Variants in SNCB observed in about 807,000 individuals in gnomAD.
The protein encoded by SNCB is beta-synuclein.
Under a neutral mutation model 20.0 loss-of-function variants are expected in SNCB, and 8 were observed. That is an observed-to-expected ratio of 0.40 (90% CI 0.24 to 0.72). The LOEUF (loss-of-function observed/expected upper bound fraction) is 0.72. Among genes scored for constraint, SNCB ranks in the 30% least tolerant of loss-of-function variants. SNCB has a pLI of 0.37. For missense variants in SNCB, 125 were observed against 168.0 expected, an observed-to-expected ratio of 0.74 and a Z score of 1.41; for synonymous variants, 56 against 65.4, an observed-to-expected ratio of 0.86 and a Z score of 0.69.
intron 2 of SNCB, among the ~76,000 whole-genome samples, chr5:176,628,453 TCTAAA>T (rs1186809283): frequency 6.6e-6 from 1 of 152,114 alleles, no homozygotes; most frequent in Non-Finnish European, 1.5e-5. Flanking sequence ...AAGTGACCGT[TCTAAA>T]CTAATCACAT....
In SNCB at chr5:176,626,814, A is replaced by G. The variant is rs114510312; in HGVS notation, c.122-53T>C. ...AGGACTCTGCGCTGAGGGAACAGAAACTCCAGCACAGCATGGTGATTACAG... is the reference window on the plus strand; with the variant it reads ...AGGACTCTGCGCTGAGGGAACAGAAGCTCCAGCACAGCATGGTGATTACAG... On this transcript the variant is annotated intron_variant, in intron 2 of 5. Transcript: ENST00000393693. The surrounding 1 kb of genome is among the most constrained non-coding windows in gnomAD (Gnocchi z 4.2). 12,989 of 1,588,960 alleles carry G rather than the reference A, an allele frequency of 8.2e-3. 58 individuals are homozygous for G. Among genetic ancestry groups the G allele is most frequent in the Non-Finnish European group, 1.0e-2 (11,547 of 1,157,398 alleles).
In SNCB at chr5:176,626,725, G is replaced by GCCACACCTTGTA; in HGVS notation, c.146_157dup (p.Val49_Val52dup). On this transcript the variant is annotated inframe_insertion, in exon 3 of 6. Transcript: ENST00000393693. The surrounding 1 kb of genome is among the most constrained non-coding windows in gnomAD (Gnocchi z 4.2). The stretch of plus-strand genomic sequence containing the variant: ...TGCCAGGGCTGGGCTAGTACCTGAA[G>GCCACACCTTGTA]CCACACCTTGTACCACACCTTCTCG... 3 of 1,614,078 alleles carry GCCACACCTTGTA rather than the reference G, an allele frequency of 1.9e-6. No individual in the cohort carries two copies. The highest frequency in any genetic ancestry group is 2.5e-6 in the Non-Finnish European group (3 of 1,179,992).
Position 176,626,589 on chromosome 5 carries a change from C to T in SNCB, c.164-73G>A, listed in dbSNP as rs1170948225. ...ACACCGATGCCCTGCCTTGTAGTAT[C>T]CCAGGGCCTGCCCTCCCCACGGAGC... On this transcript the variant is annotated intron_variant, in intron 3 of 5. Coordinates refer to ENST00000393693, the MANE Select transcript of SNCB (RefSeq NM_003085.5). This position sits in a 1 kb window ranked among gnomAD's most constrained non-coding sequence, Gnocchi z 4.2. 6.7e-7 allele frequency: 1 copy of T among 1,498,822 alleles called. No homozygotes were observed. 92.8% of individuals were successfully genotyped at this position (1,498,822 alleles called of 1,614,324 possible).
At position 176,626,802 on chromosome 5, in the gene SNCB, G is replaced by A. The variant is rs1034916866; in HGVS notation, c.122-41C>T. Reference sequence around the variant, plus strand: ...GCGGCACATTTAAGGACTCTGCGCTGAGGGAACAGAAACTCCAGCACAGCA... The same window carrying A: ...GCGGCACATTTAAGGACTCTGCGCTAAGGGAACAGAAACTCCAGCACAGCA... On this transcript the variant is annotated intron_variant, in intron 2 of 5. Coordinates refer to ENST00000393693, the MANE Select transcript of SNCB (RefSeq NM_003085.5). This position sits in a 1 kb window ranked among gnomAD's most constrained non-coding sequence, Gnocchi z 4.2. 16 of 1,609,136 alleles carry A rather than the reference G, an allele frequency of 9.9e-6. No individual in the cohort carries two copies. Among genetic ancestry groups the A allele is most frequent in the Non-Finnish European group, 1.4e-5 (16 of 1,175,580 alleles).
In SNCB at chr5:176,629,543, G is replaced by T; in HGVS notation, c.112C>A (p.Leu38Ile). 1 of 1,613,228 alleles carries T rather than the reference G, an allele frequency of 6.2e-7. No individual in the cohort carries two copies. The highest frequency in any genetic ancestry group is 8.5e-7 in the Non-Finnish European group (1 of 1,179,724). Reference sequence around the variant, plus strand: ...CCCGCCCCTTACCCACCGACGTAGAGGACGCCCTCCTTGGTCTTCTCCGCC... The same window carrying T: ...CCCGCCCCTTACCCACCGACGTAGATGACGCCCTCCTTGGTCTTCTCCGCC... ...EAAEKTKEGV[L>I]YVGSKTREGV... is the part of the protein sequence containing the mutation. Residue 38 changes from leucine to isoleucine, a missense_variant, in exon 2 of 6, where the codon CTC becomes ATC. Physicochemically the swap from Leu to Ile is conservative, Grantham distance 5. Coordinates refer to ENST00000393693, the MANE Select transcript of SNCB (RefSeq NM_003085.5). The surrounding 1 kb of genome is among the most constrained non-coding windows in gnomAD (Gnocchi z 4.1).
At chr5:176,622,934 G>A (rs370296954) in intron 4 of SNCB, among the ~76,000 whole-genome samples, 12 of 151,648 alleles carry the variant, frequency 7.9e-5, no homozygotes, top group East Asian at 7.8e-4. Flanking sequence ...ATGGGGTTTC[G>A]CCATGTTGGT....
rs924316738 is a variant in SNCB at position 176,621,246 on chromosome 5, G to T, written c.340C>A (p.Pro114Thr). The change falls in exon 5 of 6, where the codon CCA becomes ACA. Residue 114 changes from proline (P) to threonine (T), a missense_variant. Physicochemically the swap from Pro to Thr is conservative, Grantham distance 38. Transcript: ENST00000393693. This position sits in a 1 kb window ranked among gnomAD's most constrained non-coding sequence, Gnocchi z 4.1. ...GGGTCCTCATAACTCTCCCCTTCTG[G>T]CTCCATCAGGGGCTCAATCAGTGGT... ...EEPLIEPLME[P>T]EGESYEDPPQ... 8 of 1,613,724 alleles carry T rather than the reference G, an allele frequency of 5.0e-6. No individual in the cohort carries two copies. Among genetic ancestry groups the T allele is most frequent in the Non-Finnish European group, 6.8e-6 (8 of 1,179,862 alleles).
In SNCB at chr5:176,626,868, C is replaced by T. The variant is rs934910233; in HGVS notation, c.122-107G>A. On this transcript the variant is annotated intron_variant, in intron 2 of 5. Transcript: ENST00000393693. This position sits in a 1 kb window ranked among gnomAD's most constrained non-coding sequence, Gnocchi z 4.2. ...GGGCATCCTGGCCCCGTCACTGCCT[C>T]CTTGGGTCCCCACATCCTACAACCT... 1.7e-6 allele frequency: 2 copies of T among 1,152,010 alleles called. No individual in the cohort carries two copies. Among genetic ancestry groups the T allele is most frequent in the South Asian group, 2.4e-5 (2 of 81,722 alleles). The allele number at this position is 1,152,010 out of a possible 1,614,324, so 71.4% of individuals were successfully genotyped here. A position where few individuals can be genotyped will look rare whatever the true frequency, so the allele number is the denominator to read the frequency against.
At chr5:176,624,572 AG>A (rs1759810446) in intron 4 of SNCB, among the ~76,000 whole-genome samples, 1 of 152,284 alleles carries the variant, frequency 6.6e-6, no homozygotes, top group East Asian at 1.9e-4. Flanking sequence ...AGGCCGAGGC[AG>A]GTGGATCACC....
In SNCB at chr5:176,629,200, G is replaced by A. The variant is rs1561903021; in HGVS notation, c.121+334C>T. Among the ~76,000 whole-genome samples the A allele has an allele frequency of 6.6e-6, 1 of 152,156 alleles. No homozygotes were observed. The highest frequency in any genetic ancestry group is 1.5e-5 in the Non-Finnish European group (1 of 68,024). On this transcript the variant is annotated intron_variant, in intron 2 of 5. Transcript: ENST00000393693. The surrounding 1 kb of genome is among the most constrained non-coding windows in gnomAD (Gnocchi z 4.1). ...AATGGATGTTATGACATTTTACCCA[G>A]TACTTGGCATACAGAAAGTGTTCAA... is the stretch of plus-strand genomic sequence containing the variant.
rs1382477062 is a variant in SNCB, at chr5:176,620,635, C to A, written c.*176G>T. 3.2e-6 allele frequency: 2 copies of A among 633,264 alleles called. No individual in the cohort carries two copies. Among genetic ancestry groups the A allele is most frequent in the Non-Finnish European group, 5.7e-6 (2 of 352,402 alleles). 39.2% of individuals were successfully genotyped at this position (633,264 alleles called of 1,614,324 possible). A position where few individuals can be genotyped will look rare whatever the true frequency, so the allele number is the denominator to read the frequency against. On this transcript the variant is annotated 3_prime_UTR_variant, in exon 6 of 6. Coordinates refer to ENST00000393693, the MANE Select transcript of SNCB (RefSeq NM_003085.5). The surrounding 1 kb of genome is among the most constrained non-coding windows in gnomAD (Gnocchi z 4.5). ...CCTGTCCATGCCCCGGGGTTGGACG[C>A]GGGCGGGTAGGACAGACAGATGGAC...
Position 176,629,702 on chromosome 5 carries a change from C to G in SNCB, c.-9-39G>C. On this transcript the variant is annotated intron_variant, in intron 1 of 5. Transcript: ENST00000393693. This position sits in a 1 kb window ranked among gnomAD's most constrained non-coding sequence, Gnocchi z 4.1. ...TACACGGGCACCGGTGCACTGGCCC[C>G]GCACTCTCACCCCAGCCCCTCCCGC... The G allele has an allele frequency of 6.2e-7, 1 of 1,600,068 alleles. No individual in the cohort carries two copies. The highest frequency in any genetic ancestry group is 2.2e-5 in the East Asian group (1 of 44,592).
At position 176,626,362 on chromosome 5, in the gene SNCB, GTT is replaced by G; in HGVS notation, c.282+34_282+35del. 1 of 1,117,238 alleles carries G rather than the reference GTT, an allele frequency of 9.0e-7. No individual in the cohort carries two copies. Among genetic ancestry groups the G allele is most frequent in the East Asian group, 2.4e-5 (1 of 41,654 alleles). 69.2% of individuals were successfully genotyped at this position (1,117,238 alleles called of 1,614,324 possible). On this transcript the variant is annotated intron_variant, in intron 4 of 5. Transcript: ENST00000393693. The surrounding 1 kb of genome is among the most constrained non-coding windows in gnomAD (Gnocchi z 4.2). ...TGTGTGTGTGTGTGTGTGTGTGTGTGTTTGCCTGCATGTGCGGGTCAGAAGGA... is the reference window on the plus strand; with the variant it reads ...TGTGTGTGTGTGTGTGTGTGTGTGTGTGCCTGCATGTGCGGGTCAGAAGGA...
At chr5:176,625,968 G>A (rs1029178849) in intron 4 of SNCB, among the ~76,000 whole-genome samples, 20 of 152,144 alleles carry the variant, frequency 1.3e-4, no homozygotes, top group Non-Finnish European at 2.2e-4. Context: ...GCTGGCTTGC[G>A]TTTTACTATC....
rs1260898226 is a variant in SNCB at position 176,620,115 on chromosome 5, A to T, written c.*696T>A. ...CTGGGCTGTGTGTGCCAGACCCCAA[A>T]GAGCACAGAGGGGTAGGCTGGGACC... On this transcript the variant is annotated 3_prime_UTR_variant, in exon 6 of 6. Coordinates refer to ENST00000393693, the MANE Select transcript of SNCB (RefSeq NM_003085.5). The surrounding 1 kb of genome is among the most constrained non-coding windows in gnomAD (Gnocchi z 4.5). The T allele has an allele frequency of 6.5e-6, 1 of 152,798 alleles. No homozygotes were observed. Among genetic ancestry groups the T allele is most frequent in the Non-Finnish European group, 1.5e-5 (1 of 68,532 alleles). 9.5% of individuals were successfully genotyped at this position (152,798 alleles called of 1,614,324 possible). A position where few individuals can be genotyped will look rare whatever the true frequency, so the allele number is the denominator to read the frequency against.
At chr5:176,624,813 A>C (rs955487093) in intron 4 of SNCB, among the ~76,000 whole-genome samples, 35 of 151,150 alleles carry the variant, frequency 2.3e-4, no homozygotes, top group Non-Finnish European at 4.6e-4. Flanking sequence ...AAAAAAAAAA[A>C]AAAACAAAAA....
Position 176,626,743 on chromosome 5 carries a change from C to T in SNCB, c.140G>A (p.Gly47Asp). 6.2e-7 allele frequency: 1 copy of T among 1,614,148 alleles called. No individual in the cohort carries two copies. Among genetic ancestry groups the T allele is most frequent in the Non-Finnish European group, 8.5e-7 (1 of 1,180,024 alleles). ...VLYVGSKTRE[G>D]VVQGVASVAE... ...ACCTGAAGCCACACCTTGTACCACACCTTCTCGGGTCTTGCTTCCTGCAGG... is the reference window on the plus strand; with the variant it reads ...ACCTGAAGCCACACCTTGTACCACATCTTCTCGGGTCTTGCTTCCTGCAGG... Residue 47 changes from glycine (G) to aspartate (D), a missense_variant, in exon 3 of 6, where the codon GGT becomes GAT. Transcript: ENST00000393693. This position sits in a 1 kb window ranked among gnomAD's most constrained non-coding sequence, Gnocchi z 4.2.
Position 176,620,902 on chromosome 5 carries a change from C to A in SNCB, c.373-59G>T, listed in dbSNP as rs1759543438. The stretch of plus-strand genomic sequence containing the variant: ...AGCAAAAAGGAGGAGGAGTTTGAGA[C>A]CAAGTGGCCAAGCCCCGGCCCAAGA... On this transcript the variant is annotated intron_variant, in intron 5 of 5. Coordinates refer to ENST00000393693, the MANE Select transcript of SNCB (RefSeq NM_003085.5). This position sits in a 1 kb window ranked among gnomAD's most constrained non-coding sequence, Gnocchi z 4.5. 2 of 1,464,264 alleles carry A rather than the reference C, an allele frequency of 1.4e-6. No individual in the cohort carries two copies. Among genetic ancestry groups the A allele is most frequent in the Admixed American group, 1.7e-5 (1 of 59,776 alleles). 90.7% of individuals were successfully genotyped at this position (1,464,264 alleles called of 1,614,324 possible). A position where few individuals can be genotyped will look rare whatever the true frequency, so the allele number is the denominator to read the frequency against.
In SNCB at chr5:176,621,935, A is replaced by G. The variant is rs1759630119; in HGVS notation, c.283-632T>C. On this transcript the variant is annotated intron_variant, in intron 4 of 5. Coordinates refer to ENST00000393693, the MANE Select transcript of SNCB (RefSeq NM_003085.5). The surrounding 1 kb of genome is among the most constrained non-coding windows in gnomAD (Gnocchi z 4.1). The stretch of plus-strand genomic sequence containing the variant: ...TGGGCGGGCTGCCAGACACATGGCC[A>G]GCCACCTGCAGGTGACCACATGTAT... Among the ~76,000 whole-genome samples the G allele has an allele frequency of 6.6e-6, 1 of 152,234 alleles. No individual in the cohort carries two copies. Among genetic ancestry groups the G allele is most frequent in the Non-Finnish European group, 1.5e-5 (1 of 68,038 alleles).
Sources: gnomAD v4.1 joint callset for allele counts (sites outside exome capture counted in the v4.1 genomes callset) on GRCh38, gnomAD v4.1.1 for gene constraint, Gnocchi (gnomAD v3.1) non-coding constraint, MANE v1.5 for transcripts, NCBI Gene and HGNC (gene_info 2026-07-23, HGNC 2026-07-21) for gene names.